The following IMMP2L variants were observed in gnomAD, a reference collection of about 807,000 sequenced individuals.
The protein encoded by IMMP2L is mitochondrial inner membrane protease subunit 2.
Under a neutral mutation model 19.3 loss-of-function variants are expected in IMMP2L, and 18 were observed. That is an observed-to-expected ratio of 0.93 (90% CI 0.64 to 1.38). The LOEUF (loss-of-function observed/expected upper bound fraction) is 1.38, where lower values mean the gene tolerates loss of function less well. IMMP2L is among the 40% of genes most tolerant of loss of function. The pLI is 0.00. For synonymous variants in IMMP2L, 76 were observed against 73.0 expected (o/e 1.04, Z -0.21); for missense variants, 233 against 218.2 (o/e 1.07, Z -0.43).
chr7:110,983,730 C>T (rs1461514464), intron 3 of IMMP2L, among the ~76,000 whole-genome samples: 1 of 151,912 alleles, frequency 6.6e-6, no homozygotes, highest in African/African-American at 2.4e-5. Context: ...ATGACTGTCT[C>T]GGTATTGAGG....
intron 5 of IMMP2L, among the ~76,000 whole-genome samples, chr7:110,861,109 G>C (rs1034802794): frequency 3.8e-5 from 5 of 131,020 alleles, no homozygotes; most frequent in African/African-American, 1.3e-4. Context: ...GAGAGAGAGA[G>C]AGAGAGAGAG....
At chr7:111,007,807 G>A (rs1227115177) in intron 3 of IMMP2L, among the ~76,000 whole-genome samples, 1 of 151,956 alleles carries the variant, frequency 6.6e-6, no homozygotes, top group Non-Finnish European at 1.5e-5. Context: ...CTGCCTACCT[G>A]TTATCTCCAC....
At chr7:111,114,139 C>G (rs1799562286) in intron 3 of IMMP2L, among the ~76,000 whole-genome samples, 1 of 151,772 alleles carries the variant, frequency 6.6e-6, no homozygotes, top group Admixed American at 6.6e-5. Flanking sequence ...AATCTACACA[C>G]ACACACACAC....
chr7:110,964,093 G>GAT (rs1336978064), intron 3 of IMMP2L, among the ~76,000 whole-genome samples: 1 of 151,978 alleles, frequency 6.6e-6, no homozygotes, highest in Non-Finnish European at 1.5e-5. Context: ...GCCATGAGAA[G>GAT]ATGTGCCTCA....
intron 3 of IMMP2L, among the ~76,000 whole-genome samples, chr7:111,338,681 A>G (rs1290681140): frequency 6.6e-6 from 1 of 152,150 alleles, no homozygotes; most frequent in Non-Finnish European, 1.5e-5. Flanking sequence ...GCCTCTGATT[A>G]TCATTTCACT....
intron 3 of IMMP2L, among the ~76,000 whole-genome samples, chr7:111,447,504 T>C (rs1379815077): frequency 2.1e-5 from 3 of 144,510 alleles, no homozygotes; most frequent in East Asian, 2.1e-4. Flanking sequence ...GACAAGCAAA[T>C]GCTGAGAGAT....
At chr7:111,321,916 G>A (rs1035083641) in intron 3 of IMMP2L, among the ~76,000 whole-genome samples, 1 of 151,824 alleles carries the variant, frequency 6.6e-6, no homozygotes, top group Admixed American at 6.6e-5. Context: ...CTAAGTTATG[G>A]ACAATGAAAC....
chr7:110,850,161 G>C lies in IMMP2L; in HGVS notation c.408+36432C>G, dbSNP rs368872927. ...AATAAGAAAAAAGAGCTATATATCAGCAATTAGGGTAGGAGACTGGTAGGA... is the reference window on the plus strand; with the variant it reads ...AATAAGAAAAAAGAGCTATATATCACCAATTAGGGTAGGAGACTGGTAGGA... On this transcript the variant is annotated intron_variant, in intron 5 of 5. Coordinates refer to ENST00000405709, the MANE Select transcript of IMMP2L (RefSeq NM_032549.4). Among the ~76,000 whole-genome samples, 77 of 152,024 alleles carry C rather than the reference G, an allele frequency of 5.1e-4. 2 individuals are homozygous for C. The South Asian group carries it at 0.016, about 31-fold the overall frequency.
chr7:110,961,824 T>C (rs1336641395), intron 4 of IMMP2L, among the ~76,000 whole-genome samples: 1 of 151,918 alleles, frequency 6.6e-6, no homozygotes, highest in Non-Finnish European at 1.5e-5. Flanking sequence ...AGACTATATA[T>C]TGTATAATTC....
At chr7:110,746,942 CA>C (rs1282981393) in intron 5 of IMMP2L, among the ~76,000 whole-genome samples, 1 of 151,866 alleles carries the variant, frequency 6.6e-6, no homozygotes, top group Non-Finnish European at 1.5e-5. Context: ...AAAAACCCTT[CA>C]AAAAAATCAG....
chr7:111,554,295 T>G (rs533004747), intron 1 of IMMP2L, among the ~76,000 whole-genome samples: 8 of 152,278 alleles, frequency 5.3e-5, no homozygotes, highest in African/African-American at 1.9e-4. Flanking sequence ...TACGTCTATA[T>G]GTAAACTGAA....
intron 4 of IMMP2L, among the ~76,000 whole-genome samples, chr7:110,922,143 T>G (rs1563082854): frequency 1.3e-5 from 2 of 152,196 alleles, no homozygotes; most frequent in African/African-American, 2.4e-5. Flanking sequence ...AAATTCCACT[T>G]TGCTTTGAAA....
At chr7:110,947,449 C>T (rs1817376912) in intron 4 of IMMP2L, among the ~76,000 whole-genome samples, 1 of 152,132 alleles carries the variant, frequency 6.6e-6, no homozygotes, top group Admixed American at 6.5e-5. Context: ...AGAATTCAGG[C>T]TTCATTTACA....
At chr7:110,739,005 A>C (rs1335025443) in intron 5 of IMMP2L, among the ~76,000 whole-genome samples, 2 of 152,166 alleles carry the variant, frequency 1.3e-5, no homozygotes, top group African/African-American at 4.8e-5. Flanking sequence ...CCAGACAAAT[A>C]AATGCTGAGA....
intron 4 of IMMP2L, among the ~76,000 whole-genome samples, chr7:110,935,574 T>A (rs1816009427): frequency 6.6e-6 from 1 of 152,144 alleles, no homozygotes; most frequent in South Asian, 2.1e-4. Context: ...TTTTCCTGGA[T>A]AATATCCTGA....
chr7:111,249,822 G>A (rs1815868164), intron 3 of IMMP2L, among the ~76,000 whole-genome samples: 2 of 152,116 alleles, frequency 1.3e-5, no homozygotes, highest in Admixed American at 1.3e-4. Flanking sequence ...ATGGGCAAAA[G>A]TTAGAAGCAT....
intron 3 of IMMP2L, among the ~76,000 whole-genome samples, chr7:111,008,717 G>T (rs1057199735): frequency 6.6e-6 from 1 of 151,880 alleles, no homozygotes; most frequent in South Asian, 2.1e-4. Context: ...TGTATCCTCA[G>T]TGCCTAGAAT....
chr7:110,820,723 A>C (rs1424167706), intron 5 of IMMP2L, among the ~76,000 whole-genome samples: 1 of 152,040 alleles, frequency 6.6e-6, no homozygotes, highest in African/African-American at 2.4e-5. Flanking sequence ...TTTTCAACTC[A>C]AATTATATTT....
chr7:111,386,024 C>T (rs555633259), intron 3 of IMMP2L, among the ~76,000 whole-genome samples: 2 of 151,794 alleles, frequency 1.3e-5, no homozygotes, highest in East Asian at 3.9e-4. Flanking sequence ...AGGACTACAA[C>T]CACATGCCAC....
Sources: gnomAD v4.1 joint callset for allele counts (sites outside exome capture counted in the v4.1 genomes callset) on GRCh38, gnomAD v4.1.1 for gene constraint, MANE v1.5 for transcripts, NCBI Gene and HGNC (gene_info 2026-07-23, HGNC 2026-07-21) for gene names.